The following FIP1L1 variants were observed in gnomAD, a reference collection of about 807,000 sequenced individuals.
FIP1L1 encodes pre-mRNA 3'-end-processing factor FIP1.
FIP1L1 carries 21 observed loss-of-function variants against 84.6 expected under a neutral mutation model. The ratio of observed to expected loss-of-function variants is 0.25; its 90% CI spans 0.18 to 0.36. The LOEUF is 0.36. FIP1L1 is among the 10% of genes least tolerant of loss of function. The pLI is 1.00. For missense variants in FIP1L1, 526 were observed against 751.1 expected (o/e 0.70, Z 3.50); for synonymous variants, 263 against 242.3 (o/e 1.09, Z -0.80).
chr4:53,425,861 T>C lies in FIP1L1; in HGVS notation c.924-11T>C, dbSNP rs1764132216. 6.3e-7 allele frequency: 1 copy of C among 1,595,760 alleles called. No homozygotes were observed. Among genetic ancestry groups the C allele is most frequent in the East Asian group, 2.2e-5 (1 of 44,626 alleles). On this transcript the variant is annotated splice_polypyrimidine_tract_variant and intron_variant, in intron 11 of 17. Coordinates refer to ENST00000337488, the MANE Select transcript of FIP1L1 (RefSeq NM_030917.4). Reference sequence around the variant, plus strand: ...AGGTGAAACTGAATTGATTCAATTTTTATGTTACAGGAGATTACCTGGGGC... The same window carrying C: ...AGGTGAAACTGAATTGATTCAATTTCTATGTTACAGGAGATTACCTGGGGC...
At position 53,379,220 on chromosome 4, in the gene FIP1L1, G is replaced by C. The variant is rs372183751; in HGVS notation, c.131-5G>C. The C allele has an allele frequency of 3.9e-4, 622 of 1,603,856 alleles. No individual in the cohort carries two copies. The highest frequency in any genetic ancestry group is 5.1e-4 in the Non-Finnish European group (601 of 1,177,160). The stretch of plus-strand genomic sequence containing the variant: ...ATTTATTTATTTGTTTATTTTACTT[G>C]GTAGATGAAAATGAAGTTGAAAGGC... On this transcript the variant is annotated splice_region_variant and splice_polypyrimidine_tract_variant and intron_variant, in intron 2 of 17. Coordinates refer to ENST00000337488, the MANE Select transcript of FIP1L1 (RefSeq NM_030917.4).
rs1346006833 is a variant in FIP1L1 at position 53,420,345 on chromosome 4, CT to C, written c.924-5525del. Among the ~76,000 whole-genome samples the C allele has an allele frequency of 8.9e-5, 13 of 146,772 alleles. No homozygotes were observed. The Admixed American group carries it at 9.0e-4, about 10-fold the overall frequency. ...TCGGGAGGCTGAGGCAGGAGAATTG[CT>C]TGAATCCAGGAGGCAGAGGTTGTGG... On this transcript the variant is annotated intron_variant, in intron 11 of 17. Coordinates refer to ENST00000337488, the MANE Select transcript of FIP1L1 (RefSeq NM_030917.4).
intron 11 of FIP1L1, among the ~76,000 whole-genome samples, chr4:53,419,052 T>C (rs1761042323): frequency 6.6e-6 from 1 of 152,160 alleles, no homozygotes. Flanking sequence ...TTTTTAAGAT[T>C]CTTGTAGAGC....
At chr4:53,405,105 A>C (rs1388661782) in intron 10 of FIP1L1, among the ~76,000 whole-genome samples, 2 of 152,084 alleles carry the variant, frequency 1.3e-5, no homozygotes, top group South Asian at 2.1e-4. Flanking sequence ...CTGAATGGTA[A>C]TGCCTAGGTT....
At chr4:53,434,562 C>T (rs1426208182) in intron 13 of FIP1L1, among the ~76,000 whole-genome samples, 1 of 151,748 alleles carries the variant, frequency 6.6e-6, no homozygotes, top group Non-Finnish European at 1.5e-5. Flanking sequence ...ACCTCTGCCT[C>T]CCAGGTTCAA....
rs1758550218 is a variant in FIP1L1 at position 53,414,483 on chromosome 4, A to T, written c.816-132A>T. 5.4e-6 allele frequency: 3 copies of T among 555,404 alleles called. No homozygotes were observed. The South Asian group carries it at 7.5e-5, about 14-fold the overall frequency. 34.4% of individuals were successfully genotyped at this position (555,404 alleles called of 1,614,324 possible). A position where few individuals can be genotyped will look rare whatever the true frequency, so the allele number is the denominator to read the frequency against. On this transcript the variant is annotated intron_variant, in intron 10 of 17. Transcript: ENST00000337488. ...AGTACCACAGCAAGTAGTTTATATG[A>T]CTTGAGAATGATACTGTAGGAACAT...
rs1721556671 is a variant in FIP1L1, at chr4:53,460,038, GGT to G, written c.*591_*592del. ...ATTAATAAAACCTATAAGGCATCTG[GGT>G]GGCCTCTATGAAATAAATTAATTAA... On this transcript the variant is annotated 3_prime_UTR_variant, in exon 18 of 18. Transcript: ENST00000337488. The G allele has an allele frequency of 1.2e-5, 2 of 162,020 alleles. No homozygotes were observed. The highest frequency in any genetic ancestry group is 1.6e-4 in the East Asian group (2 of 12,194). The allele number at this position is 162,020 out of a possible 1,614,324, so 10.0% of individuals were successfully genotyped here.
chr4:53,430,528 T>C (rs1766171966), intron 13 of FIP1L1, among the ~76,000 whole-genome samples: 1 of 151,658 alleles, frequency 6.6e-6, no homozygotes, highest in Non-Finnish European at 1.5e-5. Context: ...TTTGTAGAGA[T>C]GGTGTTTCGC....
chr4:53,455,940 A>T (rs10013573), intron 16 of FIP1L1, among the ~76,000 whole-genome samples: 1 of 151,968 alleles, frequency 6.6e-6, no homozygotes, highest in Non-Finnish European at 1.5e-5. Flanking sequence ...ACTATGACAC[A>T]TGCGTGTGTG....
At position 53,389,820 on chromosome 4, in the gene FIP1L1, C is replaced by G; in HGVS notation, c.344C>G (p.Thr115Arg). 1 of 1,602,044 alleles carries G rather than the reference C, an allele frequency of 6.2e-7. No homozygotes were observed. Among genetic ancestry groups the G allele is most frequent in the Non-Finnish European group, 8.5e-7 (1 of 1,176,006 alleles). The change falls in exon 6 of 18, where the codon ACA becomes AGA. Residue 115 changes from threonine to arginine, a missense_variant. Transcript: ENST00000337488. ...TGAPQYGSYGTAPVNLNIKTG... is the reference protein window; with the variant it reads ...TGAPQYGSYGRAPVNLNIKTG... ...TTGTTTGTTTTTAGGAGTTATGGTA[C>G]AGCACCTGTAAATCTTAACATCAAG...
chr4:53,386,263 C>T (rs1741043788), intron 5 of FIP1L1, among the ~76,000 whole-genome samples: 1 of 152,108 alleles, frequency 6.6e-6, no homozygotes, highest in South Asian at 2.1e-4. Context: ...TTTATCAAAC[C>T]ATCTGTGATC....
intron 11 of FIP1L1, 110 bp downstream of exon 11, chr4:53,414,832 A>G: frequency 1.4e-6 from 1 of 695,350 alleles, no homozygotes; most frequent in East Asian, 2.9e-5. Flanking sequence ...TTACCCTCCA[A>G]CTTATGCTTT....
intron 11 of FIP1L1, among the ~76,000 whole-genome samples, chr4:53,421,005 A>G (rs1319752590): frequency 6.6e-6 from 1 of 152,154 alleles, no homozygotes; most frequent in African/African-American, 2.4e-5. Context: ...GAAGCTTCAA[A>G]AAAGTATTGA....
chr4:53,413,917 AT>A (rs768387205), intron 10 of FIP1L1, among the ~76,000 whole-genome samples: 17 of 152,190 alleles, frequency 1.1e-4, no homozygotes, highest in Middle Eastern at 3.4e-3. Context: ...AACAGATTTC[AT>A]TTCGTTTCTG....
At chr4:53,413,319 C>T (rs1758006804) in intron 10 of FIP1L1, among the ~76,000 whole-genome samples, 1 of 152,086 alleles carries the variant, frequency 6.6e-6, no homozygotes, top group Non-Finnish European at 1.5e-5. Flanking sequence ...AGGGTGCTAG[C>T]TGTGCTCCTT....
chr4:53,450,540 A>G (rs887470657), intron 15 of FIP1L1, among the ~76,000 whole-genome samples: 7 of 152,106 alleles, frequency 4.6e-5, no homozygotes, highest in African/African-American at 1.7e-4. Context: ...TCAAGTCTTT[A>G]TTTGCATGGT....
intron 10 of FIP1L1, among the ~76,000 whole-genome samples, chr4:53,407,120 C>T (rs950180643): frequency 3.3e-5 from 5 of 152,210 alleles, no homozygotes; most frequent in African/African-American, 1.2e-4. Context: ...AATTTTAGAT[C>T]TTTCCTTCTT....
chr4:53,453,992 A>G (rs1460694722), intron 16 of FIP1L1, among the ~76,000 whole-genome samples: 1 of 152,208 alleles, frequency 6.6e-6, no homozygotes, highest in Non-Finnish European at 1.5e-5. Flanking sequence ...GTTCTAATGT[A>G]AAAGTTTCAT....
At chr4:53,386,213 A>T (rs553014494) in intron 5 of FIP1L1, among the ~76,000 whole-genome samples, 83 of 152,174 alleles carry the variant, frequency 5.5e-4, no homozygotes, top group Non-Finnish European at 1.1e-3. Context: ...TAAAGACATA[A>T]TTTATCTGGC....
Sources: allele counts gnomAD v4.1 joint callset (sites outside exome capture counted in the v4.1 genomes callset), GRCh38; gene constraint gnomAD v4.1.1; transcripts MANE v1.5; gene names NCBI Gene and HGNC (gene_info 2026-07-23, HGNC 2026-07-21).